SLC12A5: variants seen among roughly 807,000 people sequenced by gnomAD.
SLC12A5 encodes K-Cl cotransporter 2.
Under a neutral mutation model 124.0 loss-of-function variants are expected in SLC12A5, and 18 were observed. The ratio of observed to expected loss-of-function variants is 0.15; its 90% confidence interval spans 0.10 to 0.22. The LOEUF (loss-of-function observed/expected upper bound fraction) is 0.22, where lower values mean the gene tolerates loss of function less well. Among genes scored for constraint, SLC12A5 ranks in the 10% least tolerant of loss-of-function variants. The probability of loss-of-function intolerance (pLI) is 1.00; values close to 1 mark genes in which losing one functional copy is unlikely to be tolerated. For missense variants in SLC12A5, 867 were observed against 1,478.7 expected (o/e 0.59, Z 6.78); for synonymous variants, 589 against 568.0 (o/e 1.04, Z -0.53).
At chr20:46,041,929 G>T (rs565377201) in intron 8 of SLC12A5, among the ~76,000 whole-genome samples, 12 of 152,172 alleles carry the variant, frequency 7.9e-5, no homozygotes, top group East Asian at 1.9e-4. Context: ...GAATGCCCGG[G>T]GGGGGAGAGT....
intron 1 of SLC12A5, among the ~76,000 whole-genome samples, chr20:46,030,449 C>G (rs532375246): frequency 1.3e-5 from 2 of 152,194 alleles, no homozygotes; most frequent in Admixed American, 6.5e-5. Flanking sequence ...GGCCAGCCAC[C>G]CCCTCAGGCT....
At position 46,053,610 on chromosome 20, in the gene SLC12A5, T is replaced by C. The variant is rs1568867810; in HGVS notation, c.2580T>C (p.Thr860=). 1 of 1,614,090 alleles carries C rather than the reference T, an allele frequency of 6.2e-7. No homozygotes were observed. The highest frequency in any genetic ancestry group is 8.5e-7 in the Non-Finnish European group (1 of 1,179,918). ...GGAAGTGCAAGATGCGTATCTTCACTGTGGCCCAGATGGATGACAATAGCA... is the reference window on the plus strand; with the variant it reads ...GGAAGTGCAAGATGCGTATCTTCACCGTGGCCCAGATGGATGACAATAGCA... ...VWRKCKMRIF[T]VAQMDDNSIQ... The change falls in exon 20 of 26, where the codon ACT becomes ACC. Residue 860 remains threonine (T), a synonymous_variant. Transcript: ENST00000243964. The surrounding 1 kb of genome is among the most constrained non-coding windows in gnomAD (Gnocchi z 4.7).
At position 46,037,316 on chromosome 20, in the gene SLC12A5, C is replaced by T; in HGVS notation, c.543C>T (p.Gly181=). 1 of 1,613,288 alleles carries T rather than the reference C, an allele frequency of 6.2e-7. No homozygotes were observed. Among genetic ancestry groups the T allele is most frequent in the Non-Finnish European group, 8.5e-7 (1 of 1,179,534 alleles). ...SLGPEFGGAV[G]LCFYLGTTFA... ...GCCCAGAGTTTGGGGGTGCCGTGGG[C>T]CTCTGCTTCTACCTGGGCACTACCT... The change falls in exon 6 of 26, where the codon GGC becomes GGT. Residue 181 remains glycine (G), a synonymous_variant. Transcript: ENST00000243964.
chr20:46,036,859 G>A (rs971952995), intron 5 of SLC12A5, 64 bp downstream of exon 5: 19 of 1,589,680 alleles, frequency 1.2e-5, no homozygotes, highest in Non-Finnish European at 1.6e-5. Context: ...AGTGCCCTGG[G>A]CTTTGGGGGA....
In SLC12A5 at chr20:46,035,636, A is replaced by G; in HGVS notation, c.279+101A>G. 2.0e-6 allele frequency: 3 copies of G among 1,503,792 alleles called. No homozygotes were observed. In the East Asian group the frequency reaches 7.1e-5, roughly 36 times the overall value. The allele number at this position is 1,503,792 out of a possible 1,614,324, so 93.2% of individuals were successfully genotyped here. A position where few individuals can be genotyped will look rare whatever the true frequency, so the allele number is the denominator to read the frequency against. Reference sequence around the variant, plus strand: ...ATTTGAATGGAGGGAGGGAAAGGGGATACAAATCAGAAAGAAGAGGGATGA... The same window carrying G: ...ATTTGAATGGAGGGAGGGAAAGGGGGTACAAATCAGAAAGAAGAGGGATGA... On this transcript the variant is annotated intron_variant, in intron 3 of 25. Coordinates refer to ENST00000243964, the MANE Select transcript of SLC12A5 (RefSeq NM_020708.5).
At chr20:46,055,266 G>C (rs929832275) in intron 21 of SLC12A5, among the ~76,000 whole-genome samples, 3 of 152,212 alleles carry the variant, frequency 2.0e-5, no homozygotes, top group Non-Finnish European at 4.4e-5. Flanking sequence ...CTTCTCCTCT[G>C]TATGTGACTT....
At chr20:46,041,917 G>A (rs1355980615) in intron 8 of SLC12A5, among the ~76,000 whole-genome samples, 2 of 150,240 alleles carry the variant, frequency 1.3e-5, no homozygotes, top group Non-Finnish European at 3.0e-5. Flanking sequence ...TCAATGCACA[G>A]AGAATGCCCG....
downstream of SLC12A5, among the ~76,000 whole-genome samples, chr20:46,023,952 C>T (rs1214163090): frequency 4.6e-5 from 7 of 152,162 alleles, no homozygotes; most frequent in East Asian, 1.9e-4. Flanking sequence ...TCTCTTCTCT[C>T]GCTCCTCATC....
chr20:46,055,132 A>G (rs2084678730), intron 21 of SLC12A5, 109 bp downstream of exon 21: 4 of 739,304 alleles, frequency 5.4e-6, no homozygotes, highest in Non-Finnish European at 7.1e-6. Context: ...CTTCACCCTC[A>G]TCTCCCTGAT....
In SLC12A5 at chr20:46,059,316, A is replaced by G. The variant is rs1600609890; in HGVS notation, c.*1711A>G. The G allele has an allele frequency of 2.8e-6, 1 of 359,788 alleles. No homozygotes were observed. Among genetic ancestry groups the G allele is most frequent in the Non-Finnish European group, 4.9e-6 (1 of 202,200 alleles). The allele number at this position is 359,788 out of a possible 1,614,324, so 22.3% of individuals were successfully genotyped here. A position where few individuals can be genotyped will look rare whatever the true frequency, so the allele number is the denominator to read the frequency against. ...GAGCTGGAGCTGGCGCCACCCAGAC[A>G]GCGTCAGGTGTGGCTGGGGTAGGTT... is the stretch of plus-strand genomic sequence containing the variant. On this transcript the variant is annotated 3_prime_UTR_variant, in exon 26 of 26. Transcript: ENST00000243964.
At chr20:46,029,422 G>C in intron 1 of SLC12A5, 26 bp downstream of exon 1, 1 of 1,488,538 alleles carries the variant, frequency 6.7e-7, no homozygotes, top group Non-Finnish European at 9.1e-7. Flanking sequence ...GGGGCGGCGG[G>C]GGAGGGGGCA....
At position 46,045,964 on chromosome 20, in the gene SLC12A5, A is replaced by G. The variant is rs967247939; in HGVS notation, c.1656A>G (p.Ala552=). ...TCTGCGAGATTGGCATCCTCATTGC[A>G]TCCCTCGACGAGGTGGCCCCCATCC... ...ACICEIGILI[A]SLDEVAPILS... The change falls in exon 13 of 26, where the codon GCA becomes GCG. Residue 552 remains alanine (A), a synonymous_variant. Transcript: ENST00000243964. The surrounding 1 kb of genome is among the most constrained non-coding windows in gnomAD (Gnocchi z 4.9). The G allele has an allele frequency of 6.2e-7, 1 of 1,613,994 alleles. No individual in the cohort carries two copies. Among genetic ancestry groups the G allele is most frequent in the Non-Finnish European group, 8.5e-7 (1 of 1,180,036 alleles).
At chr20:46,022,932 G>T (rs1232877105) in exon 2 of SLC12A5, 3 of 403,318 alleles carry the variant, frequency 7.4e-6, no homozygotes, top group African/African-American at 2.1e-5. Context: ...GCTTGTAGTG[G>T]CCCCAGCGAG....
chr20:46,047,413 C>A, intron 14 of SLC12A5, 41 bp from the exon 15 acceptor site: 1 of 1,605,960 alleles, frequency 6.2e-7, no homozygotes. Context: ...CAGCAACAGC[C>A]CTGCTGGGGC....
chr20:46,035,579 G>C lies in SLC12A5; in HGVS notation c.279+44G>C, dbSNP rs747065754. The C allele has an allele frequency of 3.8e-6, 6 of 1,570,022 alleles. No individual in the cohort carries two copies. The African/African-American group carries it at 6.8e-5, about 18-fold the overall frequency. On this transcript the variant is annotated intron_variant, in intron 3 of 25. Coordinates refer to ENST00000243964, the MANE Select transcript of SLC12A5 (RefSeq NM_020708.5). ...GAGAAATGGAAGAAAAGGGACGGAT[G>C]GGGGGTGGGGGAGGATGGGGGAGGA...
intron 7 of SLC12A5, chr20:46,040,933 G>T: frequency 4.7e-6 from 2 of 423,604 alleles, no homozygotes; most frequent in African/African-American, 2.0e-5. Context: ...CCTGGGTGGG[G>T]ACAACCTCCT....
chr20:46,029,242 A>G lies in SLC12A5; in HGVS notation c.-103A>G. 3 of 1,453,246 alleles carry G rather than the reference A, an allele frequency of 2.1e-6. No individual in the cohort carries two copies. Among genetic ancestry groups the G allele is most frequent in the Non-Finnish European group, 2.7e-6 (3 of 1,101,624 alleles). The allele number at this position is 1,453,246 out of a possible 1,614,324, so 90.0% of individuals were successfully genotyped here. Reference sequence around the variant, plus strand: ...TGCAGCTTCTTCCTCCGTGGAGCGGAGAGCGAGACAGAGCTACAGCGAACG... The same window carrying G: ...TGCAGCTTCTTCCTCCGTGGAGCGGGGAGCGAGACAGAGCTACAGCGAACG... On this transcript the variant is annotated 5_prime_UTR_variant, in exon 1 of 26. Coordinates refer to ENST00000243964, the MANE Select transcript of SLC12A5 (RefSeq NM_020708.5).
At chr20:46,041,689 T>A (rs2084549350) in intron 8 of SLC12A5, 149 bp downstream of exon 8, 1 of 806,236 alleles carries the variant, frequency 1.2e-6, no homozygotes, top group East Asian at 2.8e-5. Flanking sequence ...GTCCTTGGCA[T>A]CAGGGAGGAG....
chr20:46,043,008 C>T, intron 8 of SLC12A5, 145 bp from the exon 9 acceptor site: 1 of 808,002 alleles, frequency 1.2e-6, no homozygotes, highest in Non-Finnish European at 2.0e-6. Flanking sequence ...TAGGAAATGT[C>T]AGTGGAAATG....
Sources: allele counts gnomAD v4.1 joint callset (sites outside exome capture counted in the v4.1 genomes callset), GRCh38; gene constraint gnomAD v4.1.1; non-coding constraint Gnocchi (gnomAD v3.1); transcripts MANE v1.5; gene names NCBI Gene and HGNC (gene_info 2026-07-23, HGNC 2026-07-21).